The following CSMD1 variants were observed in gnomAD, a reference collection of about 807,000 sequenced individuals.
CSMD1 encodes the protein CUB and Sushi multiple domains 1.
Under a neutral mutation model 417.5 loss-of-function variants are expected in CSMD1, and 213 were observed. The ratio of observed to expected loss-of-function variants is 0.51; its 90% CI spans 0.46 to 0.57. CSMD1 has a LOEUF of 0.57. Ranked by LOEUF, CSMD1 falls within the 20% of genes least tolerant of loss-of-function variation. The probability of loss-of-function intolerance (pLI) is 0.00; values close to 1 mark genes in which losing one functional copy is unlikely to be tolerated. For synonymous variants in CSMD1, 2,862 were observed against 1,736.8 expected (o/e 1.65, Z -16.11); for missense variants, 6,923 against 4,529.7 (o/e 1.53, Z -15.17).
In CSMD1 at chr8:3,783,316, G is replaced by C. The variant is rs906609297; in HGVS notation, c.819-29274C>G. Among the ~76,000 whole-genome samples, 4 of 152,222 alleles carry C rather than the reference G, an allele frequency of 2.6e-5. No homozygotes were observed. The East Asian group carries it at 5.8e-4, about 22-fold the overall frequency. ...AATACTGGGATGGATGGGAAACACA[G>C]TGCAGATGGCAGGTTTTTCAAGTCC... On this transcript the variant is annotated intron_variant, in intron 5 of 69. Transcript: ENST00000635120.
intron 4 of CSMD1, among the ~76,000 whole-genome samples, chr8:4,012,442 T>A (rs1816617859): frequency 6.6e-6 from 1 of 152,202 alleles, no homozygotes; most frequent in Admixed American, 6.5e-5. Flanking sequence ...TAACTTTTAT[T>A]TTTGTTTCAG....
At chr8:3,998,391 C>G (rs1173328941) in intron 4 of CSMD1, among the ~76,000 whole-genome samples, 1 of 152,156 alleles carries the variant, frequency 6.6e-6, no homozygotes, top group East Asian at 1.9e-4. Flanking sequence ...ATGTACCTGA[C>G]ATTGATAGGC....
intron 5 of CSMD1, among the ~76,000 whole-genome samples, chr8:3,902,530 C>G (rs1417777929): frequency 1.3e-5 from 2 of 152,048 alleles, no homozygotes; most frequent in African/African-American, 4.8e-5. Flanking sequence ...CCATTAGATT[C>G]TCACAAGGAG....
intron 2 of CSMD1, among the ~76,000 whole-genome samples, chr8:4,455,118 T>C (rs552548021): frequency 1.2e-4 from 19 of 152,278 alleles, no homozygotes; most frequent in East Asian, 1.9e-4. Flanking sequence ...TAATAAAGGA[T>C]GACGGATATC....
In CSMD1 at chr8:4,329,979, G is replaced by A. The variant is rs544372720; in HGVS notation, c.415+89974C>T. Among the ~76,000 whole-genome samples, 12 of 152,164 alleles carry A rather than the reference G, an allele frequency of 7.9e-5. No individual in the cohort carries two copies. In the South Asian group the frequency reaches 1.9e-3, roughly 24 times the overall value. ...GAAGCTCCCTGAGGTCTCCCCAAAA[G>A]CCAAGCAGATGCCAGCACCATGCTT... On this transcript the variant is annotated intron_variant, in intron 3 of 69. Transcript: ENST00000635120.
intron 5 of CSMD1, among the ~76,000 whole-genome samples, chr8:3,793,916 G>C (rs79224901): frequency 0.01 from 1,594 of 152,218 alleles, 20 homozygotes; most frequent in Non-Finnish European, 0.015. Context: ...GAATTGCTGT[G>C]ATTCTCTTGA....
intron 3 of CSMD1, among the ~76,000 whole-genome samples, chr8:4,244,262 A>T (rs1015378371): frequency 6.6e-6 from 1 of 152,196 alleles, no homozygotes; most frequent in African/African-American, 2.4e-5. Context: ...GCACAGGGGC[A>T]CTGAGAGCAG....
chr8:3,180,053 C>T (rs765862638), intron 37 of CSMD1, among the ~76,000 whole-genome samples: 4 of 152,156 alleles, frequency 2.6e-5, no homozygotes, highest in Non-Finnish European at 5.9e-5. Flanking sequence ...CTTATTAAAG[C>T]TTATCCATGT....
chr8:3,291,297 G>A (rs1449052078), intron 25 of CSMD1, among the ~76,000 whole-genome samples: 10 of 151,926 alleles, frequency 6.6e-5, no homozygotes, highest in Non-Finnish European at 1.2e-4. Context: ...TTTTTTTGTT[G>A]TGTCTCTGTC....
chr8:3,396,293 G>C lies in CSMD1; in HGVS notation c.2494C>G (p.Gln832Glu), dbSNP rs1358504106. The C allele has an allele frequency of 3.7e-6, 6 of 1,604,178 alleles. No individual in the cohort carries two copies. The highest frequency in any genetic ancestry group is 5.1e-6 in the Non-Finnish European group (6 of 1,175,356). Residue 832 changes from glutamine (Q) to glutamate (E), a missense_variant, in exon 17 of 70, where the codon CAG (glutamine) becomes GAG (glutamate). Gln to Glu is a conservative substitution (Grantham distance 29, BLOSUM62 2). Transcript: ENST00000635120. ...GTGCTGATGAGGAACTGGGGTGCCTGGGTGCCGTGGTACTCGCCGATCAGT... is the reference window on the plus strand; with the variant it reads ...GTGCTGATGAGGAACTGGGGTGCCTCGGTGCCGTGGTACTCGCCGATCAGT... ...SPLIGEYHGT[Q>E]APQFLISTGN...
Position 3,447,292 on chromosome 8 carries a change from T to G in CSMD1, c.1561+21420A>C, listed in dbSNP as rs1815364518. 1.3e-5 allele frequency among the ~76,000 whole-genome samples: 2 copies of G among 152,136 alleles called. 1 individual carries two copies. The highest frequency in any genetic ancestry group is 4.1e-4 in the South Asian group (2 of 4,834). ...ACACAATTTCAATAGAATTAAATAT[T>G]TTAATGAAATAAAAATCCTAATTCA... On this transcript the variant is annotated intron_variant, in intron 12 of 69. Transcript: ENST00000635120.
intron 23 of CSMD1, among the ~76,000 whole-genome samples, chr8:3,325,281 A>C (rs559902892): frequency 3.9e-5 from 6 of 152,286 alleles, no homozygotes; most frequent in African/African-American, 1.4e-4. Context: ...AATCACAATC[A>C]CTTTTTATTA....
chr8:4,275,617 A>G (rs142511662), intron 3 of CSMD1, among the ~76,000 whole-genome samples: 1 of 152,174 alleles, frequency 6.6e-6, no homozygotes, highest in Non-Finnish European at 1.5e-5. Flanking sequence ...ACCTCAGCAT[A>G]CAAAAATTCA....
intron 12 of CSMD1, among the ~76,000 whole-genome samples, chr8:3,412,476 A>G (rs1488099965): frequency 6.6e-6 from 1 of 152,160 alleles, no homozygotes; most frequent in Non-Finnish European, 1.5e-5. Flanking sequence ...CAAGAGGAGA[A>G]ACTTTACTTC....
In CSMD1 at chr8:3,647,353, A is replaced by T. The variant is rs1421421651; in HGVS notation, c.1010-30556T>A. Among the ~76,000 whole-genome samples the T allele has an allele frequency of 4.0e-5, 6 of 148,374 alleles. No homozygotes were observed. The East Asian group carries it at 1.2e-3, about 30-fold the overall frequency. On this transcript the variant is annotated intron_variant, in intron 7 of 69. Coordinates refer to ENST00000635120, the MANE Select transcript of CSMD1 (RefSeq NM_033225.6). The stretch of plus-strand genomic sequence containing the variant: ...GAGAGGTAAATATGGCAGAGAGAGA[A>T]ATATCACGTAAAGTGAAATACAGCA...
chr8:4,513,755 T>C (rs190895455), intron 2 of CSMD1, among the ~76,000 whole-genome samples: 1 of 152,150 alleles, frequency 6.6e-6, no homozygotes, highest in African/African-American at 2.4e-5. Flanking sequence ...CAAAAATACA[T>C]AAATTTCGAT....
chr8:4,925,088 T>C (rs953480649), intron 1 of CSMD1, among the ~76,000 whole-genome samples: 9 of 152,178 alleles, frequency 5.9e-5, no homozygotes, highest in African/African-American at 2.2e-4. Flanking sequence ...TATTTGAATA[T>C]ATTATGACAG....
intron 3 of CSMD1, among the ~76,000 whole-genome samples, chr8:4,257,928 A>C (rs1803578651): frequency 6.6e-6 from 1 of 152,200 alleles, no homozygotes; most frequent in African/African-American, 2.4e-5. Context: ...CTTTAAAAAT[A>C]ATAGCCTTTT....
chr8:4,320,715 C>T (rs961814792), intron 3 of CSMD1, among the ~76,000 whole-genome samples: 1 of 152,132 alleles, frequency 6.6e-6, no homozygotes, highest in Non-Finnish European at 1.5e-5. Flanking sequence ...GCATAGTATT[C>T]CATGGTGTGT....
Sources: allele counts gnomAD v4.1 joint callset (sites outside exome capture counted in the v4.1 genomes callset), GRCh38; gene constraint gnomAD v4.1.1; transcripts MANE v1.5; gene names NCBI Gene and HGNC (gene_info 2026-07-23, HGNC 2026-07-21).